DAB1: variants seen among roughly 807,000 people sequenced by gnomAD.
DAB1 encodes the protein DAB adaptor protein 1.
A neutral mutation model predicts 64.6 loss-of-function variants in DAB1; 15 were observed. That is an observed-to-expected ratio of 0.23 (90% CI 0.16 to 0.36). DAB1 has a LOEUF of 0.36. DAB1 is among the 10% of genes least tolerant of loss of function. The probability of loss-of-function intolerance (pLI) is 1.00; values close to 1 mark genes in which losing one functional copy is unlikely to be tolerated. For synonymous variants in DAB1, 235 were observed against 251.9 expected (o/e 0.93, Z 0.64); for missense variants, 596 against 706.7 (o/e 0.84, Z 1.78).
intron 2 of DAB1, among the ~76,000 whole-genome samples, chr1:57,162,156 C>T (rs1007969196): frequency 6.6e-6 from 1 of 152,228 alleles, no homozygotes; most frequent in Non-Finnish European, 1.5e-5. Context: ...AGAGTTGTTG[C>T]TTCATCATCT....
chr1:57,152,044 C>A (rs1369345178), intron 2 of DAB1, among the ~76,000 whole-genome samples: 1 of 152,092 alleles, frequency 6.6e-6, no homozygotes, highest in African/African-American at 2.4e-5. Context: ...GAACTCCTAA[C>A]CTCAAGTGAT....
At chr1:58,377,257 G>A (rs1435106238) in intron 3 of DAB1, among the ~76,000 whole-genome samples, 2 of 148,078 alleles carry the variant, frequency 1.4e-5, no homozygotes, top group Non-Finnish European at 3.0e-5. Context: ...GTTAGTTGAT[G>A]CAGTTTCTTC....
intron 6 of DAB1, among the ~76,000 whole-genome samples, chr1:57,793,317 C>T (rs1294609937): frequency 6.6e-6 from 1 of 152,140 alleles, no homozygotes; most frequent in East Asian, 1.9e-4. Flanking sequence ...ATGACTGTTA[C>T]CTCAGATGGA....
chr1:57,429,661 C>T (rs551277898), intron 7 of DAB1, among the ~76,000 whole-genome samples: 1 of 152,122 alleles, frequency 6.6e-6, no homozygotes, highest in Non-Finnish European at 1.5e-5. Context: ...AGTTGATTTT[C>T]ATATATGGCA....
rs769195580 is a variant in DAB1 at position 57,015,423 on chromosome 1, C to T, written c.904G>A (p.Ala302Thr). The T allele has an allele frequency of 6.2e-7, 1 of 1,605,710 alleles. No individual in the cohort carries two copies. The highest frequency in any genetic ancestry group is 8.5e-7 in the Non-Finnish European group (1 of 1,175,480). The change falls in exon 12 of 15, where the codon GCA becomes ACA. Residue 302 changes from alanine (A) to threonine (T), a missense_variant. Ala to Thr is a moderately conservative substitution (Grantham distance 58). This residue lies in a region of DAB1 where 377 missense variants were observed against 400.4 expected (regional missense o/e 0.94). Transcript: ENST00000371236. ...GTAAVPSGYVAMGAVLPSFWG... is the reference protein window; with the variant it reads ...GTAAVPSGYVTMGAVLPSFWG... The stretch of plus-strand genomic sequence containing the variant: ...AAGGACGGGAGGACAGCGCCCATTG[C>T]AACGTAACCTGGGAGAATGAAAAAG...
chr1:57,716,533 C>T (rs1647086147), intron 6 of DAB1, among the ~76,000 whole-genome samples: 1 of 152,146 alleles, frequency 6.6e-6, no homozygotes, highest in Non-Finnish European at 1.5e-5. Flanking sequence ...TAGACATCCA[C>T]ATGCAGAAGA....
chr1:58,200,761 A>C (rs1657952704), intron 4 of DAB1, among the ~76,000 whole-genome samples: 1 of 152,226 alleles, frequency 6.6e-6, no homozygotes, highest in Non-Finnish European at 1.5e-5. Context: ...GTTGTCAGTC[A>C]GCAAATCAAG....
At chr1:58,500,507 T>A (rs1027681739) in intron 3 of DAB1, among the ~76,000 whole-genome samples, 6 of 152,154 alleles carry the variant, frequency 3.9e-5, no homozygotes, top group Non-Finnish European at 8.8e-5. Flanking sequence ...CCTGAAAGTA[T>A]AAAGGATTCA....
intron 7 of DAB1, among the ~76,000 whole-genome samples, chr1:57,562,779 G>A (rs207460138): frequency 1.3e-5 from 2 of 152,138 alleles, no homozygotes; most frequent in Non-Finnish European, 2.9e-5. Flanking sequence ...CTGCCACCAG[G>A]AGACACGACA....
intron 2 of DAB1, among the ~76,000 whole-genome samples, chr1:57,149,909 T>C (rs1479981820): frequency 6.6e-6 from 1 of 152,166 alleles, no homozygotes; most frequent in Non-Finnish European, 1.5e-5. Flanking sequence ...CATTTAATCT[T>C]CCAAGGTTAC....
intron 4 of DAB1, among the ~76,000 whole-genome samples, chr1:58,333,551 CTT>C (rs1663026320): frequency 6.6e-6 from 1 of 152,238 alleles, no homozygotes; most frequent in Admixed American, 6.5e-5. Context: ...CACACGCACA[CTT>C]TTAACTCCTT....
intron 11 of DAB1, among the ~76,000 whole-genome samples, chr1:57,023,043 CAGTT>C (rs200656953): frequency 0.014 from 2,080 of 152,386 alleles, 29 homozygotes; most frequent in Non-Finnish European, 0.019. Flanking sequence ...TCTCACAACT[CAGTT>C]AGCAGTTTGC....
At chr1:57,449,048 C>A (rs1361197727) in intron 7 of DAB1, among the ~76,000 whole-genome samples, 1 of 152,096 alleles carries the variant, frequency 6.6e-6, no homozygotes, top group African/African-American at 2.4e-5. Flanking sequence ...TAAACACTCA[C>A]CCCATCTCAT....
intron 5 of DAB1, among the ~76,000 whole-genome samples, chr1:58,116,429 G>A: frequency 6.6e-6 from 1 of 152,144 alleles, no homozygotes; most frequent in Middle Eastern, 3.2e-3. Context: ...AGTAGCCAAG[G>A]GCCTTAAGTA....
intron 2 of DAB1, among the ~76,000 whole-genome samples, chr1:58,509,178 T>C (rs960635031): frequency 2.0e-5 from 3 of 152,024 alleles, no homozygotes; most frequent in African/African-American, 4.8e-5. Context: ...CAGAGAAATA[T>C]GTACCAAAGG....
intron 7 of DAB1, among the ~76,000 whole-genome samples, chr1:57,511,682 C>T (rs747733328): frequency 9.2e-5 from 14 of 152,162 alleles, no homozygotes; most frequent in Non-Finnish European, 1.8e-4. Context: ...CTCTATATCC[C>T]TAAAATGTAG....
intron 7 of DAB1, among the ~76,000 whole-genome samples, chr1:57,589,735 C>A (rs1479501205): frequency 6.6e-6 from 1 of 151,834 alleles, no homozygotes; most frequent in Non-Finnish European, 1.5e-5. Flanking sequence ...CCAGCCTCAG[C>A]AACAGAGTGA....
intron 7 of DAB1, among the ~76,000 whole-genome samples, chr1:57,558,085 A>G (rs572868232): frequency 6.6e-6 from 1 of 152,288 alleles, no homozygotes; most frequent in South Asian, 2.1e-4. Flanking sequence ...TGACTGGAAA[A>G]GAATGGGACG....
chr1:57,004,284 A>G (rs989586870), intron 14 of DAB1, among the ~76,000 whole-genome samples: 3 of 152,230 alleles, frequency 2.0e-5, no homozygotes, highest in Non-Finnish European at 2.9e-5. Context: ...CATTATAACA[A>G]GACGCTCTTG....
Sources: allele counts gnomAD v4.1 joint callset (sites outside exome capture counted in the v4.1 genomes callset), GRCh38; gene constraint gnomAD v4.1.1; regional missense constraint gnomAD v4.1.1; transcripts MANE v1.5; gene names NCBI Gene and HGNC (gene_info 2026-07-23, HGNC 2026-07-21).